KY: variants seen among roughly 807,000 people sequenced by gnomAD.
KY encodes the protein kyphoscoliosis peptidase.
Under a neutral mutation model 76.1 loss-of-function variants are expected in KY, and 43 were observed. The ratio of observed to expected loss-of-function variants is 0.57; its 90% CI spans 0.44 to 0.73. The LOEUF (loss-of-function observed/expected upper bound fraction) is 0.73, where lower values mean the gene tolerates loss of function less well. Among genes scored for constraint, KY ranks in the 30% least tolerant of loss-of-function variants. The probability of loss-of-function intolerance (pLI) is 0.00; values close to 1 mark genes in which losing one functional copy is unlikely to be tolerated. For missense variants in KY, 722 were observed against 828.9 expected (o/e 0.87, Z 1.58); for synonymous variants, 277 against 326.2 (o/e 0.85, Z 1.63).
chr3:134,611,656 C>CTCA (rs1434631760), intron 8 of KY, among the ~76,000 whole-genome samples: 2 of 152,244 alleles, frequency 1.3e-5, no homozygotes, highest in Non-Finnish European at 2.9e-5. Context: ...ACACAAGCTG[C>CTCA]TCAGTCCCCA....
chr3:134,619,162 G>T lies in KY; in HGVS notation c.696C>A (p.Phe232Leu). The stretch of plus-strand genomic sequence containing the variant: ...GTCTCTCGTACCTGCACATTCTCTC[G>T]AAGAGGCCAGCATAGCCATCACAGT... ...KTNCDGYAGL[F>L]ERMCRLAGVQ... Residue 232 changes from phenylalanine (F) to leucine (L), a missense_variant, in exon 8 of 11, where the codon TTC (phenylalanine) becomes TTA (leucine). This residue lies in a region of KY where 552 missense variants were observed against 680.9 expected (regional missense o/e 0.81). Coordinates refer to ENST00000423778, the MANE Select transcript of KY (RefSeq NM_178554.6). 6.2e-7 allele frequency: 1 copy of T among 1,613,788 alleles called. No individual in the cohort carries two copies.
intron 9 of KY, among the ~76,000 whole-genome samples, chr3:134,609,424 G>A (rs1487821624): frequency 2.0e-5 from 3 of 152,182 alleles, no homozygotes; most frequent in Non-Finnish European, 4.4e-5. Flanking sequence ...GTATCTGTGA[G>A]TACGCGAGCC....
intron 3 of KY, among the ~76,000 whole-genome samples, chr3:134,634,213 G>A (rs949446260): frequency 1.2e-4 from 18 of 152,038 alleles, no homozygotes; most frequent in African/African-American, 4.3e-4. Context: ...TTTAATGCAA[G>A]TTCAACCAAA....
At chr3:134,640,555 C>T (rs1965618817) in intron 3 of KY, among the ~76,000 whole-genome samples, 1 of 152,164 alleles carries the variant, frequency 6.6e-6, no homozygotes, top group Admixed American at 6.5e-5. Context: ...GAAGGCTTCT[C>T]TGGGGGCCGG....
rs368846756 is a variant in KY, at chr3:134,610,326, C to T, written c.768G>A (p.Gln256=). ...VPGYSKGFGY[Q]TGQSFSGEFD... is the part of the protein sequence containing the mutation. ...ACTCCCCCGAGAAGCTCTGCCCTGTCTGGTAGCCGAAACCCTTGGAGTAGC... is the reference window on the plus strand; with the variant it reads ...ACTCCCCCGAGAAGCTCTGCCCTGTTTGGTAGCCGAAACCCTTGGAGTAGC... The change falls in exon 9 of 11, where the codon CAG becomes CAA. Residue 256 remains glutamine, a synonymous_variant. Transcript: ENST00000423778. 6.2e-7 allele frequency: 1 copy of T among 1,613,818 alleles called. No individual in the cohort carries two copies. The highest frequency in any genetic ancestry group is 8.5e-7 in the Non-Finnish European group (1 of 1,179,862).
chr3:134,608,091 G>A (rs1329496341), intron 10 of KY: 38 of 1,121,366 alleles, frequency 3.4e-5, no homozygotes, highest in Non-Finnish European at 4.1e-5. Context: ...CACCTGTCCT[G>A]GGAGACCCAT....
At chr3:134,605,474 C>G (rs1291698368) in intron 10 of KY, among the ~76,000 whole-genome samples, 2 of 152,172 alleles carry the variant, frequency 1.3e-5, no homozygotes, top group African/African-American at 4.8e-5. Context: ...GGACAAAGGC[C>G]TTAATAGACT....
chr3:134,622,633 T>C (rs573723557), intron 6 of KY, among the ~76,000 whole-genome samples: 2 of 152,302 alleles, frequency 1.3e-5, no homozygotes, highest in South Asian at 2.1e-4. Context: ...GTGAATATAA[T>C]TAATGCTAGT....
At chr3:134,650,310 T>C (rs962879634) in intron 1 of KY, among the ~76,000 whole-genome samples, 3 of 152,190 alleles carry the variant, frequency 2.0e-5, no homozygotes, top group African/African-American at 7.2e-5. Flanking sequence ...CTTCCATCTA[T>C]AGGAGGCTGG....
At chr3:134,626,364 C>T (rs1322245417) in intron 5 of KY, among the ~76,000 whole-genome samples, 1 of 152,218 alleles carries the variant, frequency 6.6e-6, no homozygotes, top group Non-Finnish European at 1.5e-5. Flanking sequence ...CTGGTTCTGA[C>T]TTCCACCTTG....
At chr3:134,637,373 G>A (rs571180866) in intron 3 of KY, among the ~76,000 whole-genome samples, 43 of 152,282 alleles carry the variant, frequency 2.8e-4, no homozygotes, top group Middle Eastern at 3.4e-3. Context: ...GTCTTTTAAA[G>A]TGAGTGCTAA....
chr3:134,612,091 CG>C (rs1250691296), intron 8 of KY, among the ~76,000 whole-genome samples: 8 of 152,102 alleles, frequency 5.3e-5, no homozygotes, highest in Admixed American at 2.6e-4. Flanking sequence ...GTGGAAAGTC[CG>C]GGCCACTAGT....
intron 6 of KY, among the ~76,000 whole-genome samples, chr3:134,623,962 A>G (rs574250930): frequency 1.6e-4 from 24 of 152,200 alleles, no homozygotes; most frequent in African/African-American, 5.8e-4. Flanking sequence ...ACGAAATCTG[A>G]TGACTACCAA....
chr3:134,626,634 G>T (rs1345691795), intron 5 of KY, among the ~76,000 whole-genome samples: 3 of 152,234 alleles, frequency 2.0e-5, no homozygotes, highest in African/African-American at 7.2e-5. Context: ...CCTGAGAGAT[G>T]TGGGGAGAAG....
chr3:134,599,951 G>GA lies in KY; in HGVS notation c.*3627dup, dbSNP rs1331769951. Among the ~76,000 whole-genome samples the GA allele has an allele frequency of 3.3e-5, 5 of 152,186 alleles. No homozygotes were observed. Among genetic ancestry groups the GA allele is most frequent in the African/African-American group, 1.2e-4 (5 of 41,504 alleles). On this transcript the variant is annotated 3_prime_UTR_variant, in exon 11 of 11. Coordinates refer to ENST00000423778, the MANE Select transcript of KY (RefSeq NM_178554.6). ...GATAAAAATGAATATAAATTTTATT[G>GA]AAAAACAACACCAGCAACAACATGG...
chr3:134,633,649 A>G (rs1170614469), intron 3 of KY, among the ~76,000 whole-genome samples: 2 of 152,118 alleles, frequency 1.3e-5, no homozygotes, highest in Non-Finnish European at 2.9e-5. Context: ...CTAACAGCAT[A>G]TTTAATGGTG....
chr3:134,608,924 C>T (rs1959764993), intron 9 of KY, 85 bp from the exon 10 acceptor site: 1 of 1,467,086 alleles, frequency 6.8e-7, no homozygotes, highest in South Asian at 1.4e-5. Flanking sequence ...GTCCTATGGA[C>T]ACCCTGGATG....
chr3:134,607,338 A>AACTAACTT, intron 10 of KY: 1 of 985,514 alleles, frequency 1.0e-6, no homozygotes, highest in Non-Finnish European at 1.2e-6. Context: ...AGTCAGTTGG[A>AACTAACTT]ACTAACTTGG....
In KY at chr3:134,604,169, G is replaced by A. The variant is rs760376925; in HGVS notation, c.1396C>T (p.Pro466Ser). The part of the protein sequence containing the change: ...WFSEQMGIMK[P>S]SHPDPIIHTS... ...TGGATGATAGGGTCAGGGTGGGAGG[G>A]CTTCATGATGCCCATCTGCTCCGAG... The change falls in exon 11 of 11, where the codon CCC becomes TCC. Residue 466 changes from proline (P) to serine (S), a missense_variant. Pro to Ser is a moderately conservative substitution (Grantham distance 74). This residue lies in a region of KY where 552 missense variants were observed against 680.9 expected (regional missense o/e 0.81). Transcript: ENST00000423778. The A allele has an allele frequency of 1.9e-6, 3 of 1,609,482 alleles. No individual in the cohort carries two copies. Among genetic ancestry groups the A allele is most frequent in the South Asian group, 1.1e-5 (1 of 90,340 alleles).
Sources: gnomAD v4.1 joint callset for allele counts (sites outside exome capture counted in the v4.1 genomes callset) on GRCh38, gnomAD v4.1.1 for gene constraint, gnomAD v4.1.1 regional missense constraint, MANE v1.5 for transcripts, NCBI Gene and HGNC (gene_info 2026-07-23, HGNC 2026-07-21) for gene names.